Variants in IGF1R observed in about 807,000 individuals in gnomAD.
The protein encoded by IGF1R is insulin like growth factor 1 receptor.
IGF1R carries 44 observed loss-of-function variants against 144.6 expected under a neutral mutation model. That is an observed-to-expected ratio of 0.30 (90% CI 0.24 to 0.39). IGF1R has a LOEUF of 0.39. Among genes scored for constraint, IGF1R ranks in the 10% least tolerant of loss-of-function variants. The pLI is 1.00. For synonymous variants in IGF1R, 795 were observed against 722.8 expected (o/e 1.10, Z -1.60); for missense variants, 1,355 against 1,833.7 (o/e 0.74, Z 4.77).
At position 98,714,488 on chromosome 15, in the gene IGF1R, T is replaced by A. The variant is rs55689034; in HGVS notation, c.640+6381T>A. Among the ~76,000 whole-genome samples the A allele has an allele frequency of 7.7e-3, 1,164 of 152,034 alleles. 20 individuals are homozygous for A. The highest frequency in any genetic ancestry group is 0.027 in the African/African-American group (1,110 of 41,462). ...GTGAGACCTTGTTCATATAAAAAAA[T>A]TTAAATAATTAGCTGGTTGTGGAGG... On this transcript the variant is annotated intron_variant, in intron 2 of 20. Transcript: ENST00000650285.
intron 2 of IGF1R, among the ~76,000 whole-genome samples, chr15:98,842,387 A>AGT (rs1367219014): frequency 1.3e-5 from 2 of 152,198 alleles, no homozygotes; most frequent in Admixed American, 1.3e-4. Context: ...GTGCTGCTGT[A>AGT]GTTCAGTTTA....
intron 2 of IGF1R, among the ~76,000 whole-genome samples, chr15:98,859,390 T>C (rs1305018217): frequency 6.6e-6 from 1 of 152,220 alleles, no homozygotes; most frequent in Non-Finnish European, 1.5e-5. Context: ...TACTTGATTT[T>C]AAAGTGTTTG....
Position 98,648,901 on chromosome 15 carries a change from A to AGCCGGGCGGCGCGGC in IGF1R, c.-679_-665dup, listed in dbSNP as rs2052262854. 6.6e-6 allele frequency: 1 copy of AGCCGGGCGGCGCGGC among 151,060 alleles called. No homozygotes were observed. The highest frequency in any genetic ancestry group is 1.5e-5 in the Non-Finnish European group (1 of 68,926). 9.4% of individuals were successfully genotyped at this position (151,060 alleles called of 1,614,324 possible). On this transcript the variant is annotated 5_prime_UTR_variant, in exon 1 of 21. Coordinates refer to ENST00000650285, the MANE Select transcript of IGF1R (RefSeq NM_000875.5). ...CGGCGCGGGGCGGGCGGCGGCGCAG[A>AGCCGGGCGGCGCGGC]GCCGGGCGGCGCGGCGGGAGTGCTG...
intron 2 of IGF1R, among the ~76,000 whole-genome samples, chr15:98,817,817 C>T (rs1280640223): frequency 1.3e-5 from 2 of 152,206 alleles, no homozygotes. Flanking sequence ...TCCTTTCACA[C>T]CAGACATTTC....
intron 2 of IGF1R, among the ~76,000 whole-genome samples, chr15:98,763,443 G>A (rs1367073517): frequency 2.0e-5 from 3 of 151,664 alleles, no homozygotes; most frequent in Non-Finnish European, 4.4e-5. Context: ...TACACCTGAC[G>A]TGGCTGGGAC....
intron 2 of IGF1R, among the ~76,000 whole-genome samples, chr15:98,845,677 A>G (rs2011302550): frequency 6.6e-6 from 1 of 151,568 alleles, no homozygotes; most frequent in Non-Finnish European, 1.5e-5. Flanking sequence ...CTGTTCTACT[A>G]CTGCATCTGA....
intron 2 of IGF1R, among the ~76,000 whole-genome samples, chr15:98,884,391 T>C (rs2013534327): frequency 6.6e-6 from 1 of 152,042 alleles, no homozygotes; most frequent in African/African-American, 2.4e-5. Context: ...TCTGTACCCC[T>C]CAAAAGAAAA....
At position 98,922,254 on chromosome 15, in the gene IGF1R, G is replaced by A. The variant is rs1270131506; in HGVS notation, c.2308G>A (p.Glu770Lys). ...CACCTACAACATCACCGACCCGGAA[G>A]AGCTGGAGACAGAGTACCCTTTCTT... ...ADTYNITDPE[E>K]LETEYPFFES... Residue 770 changes from glutamate to lysine, a missense_variant, in exon 11 of 21, where the codon GAG becomes AAG. Around this residue, in one of 7 missense-constraint regions of IGF1R, gnomAD observed 880 missense variants for 1,202.7 expected, o/e 0.73. Transcript: ENST00000650285. The A allele has an allele frequency of 6.2e-7, 1 of 1,614,094 alleles. No individual in the cohort carries two copies. The highest frequency in any genetic ancestry group is 8.5e-7 in the Non-Finnish European group (1 of 1,180,044).
intron 2 of IGF1R, among the ~76,000 whole-genome samples, chr15:98,831,509 G>A (rs1325093015): frequency 1.3e-5 from 2 of 152,130 alleles, no homozygotes; most frequent in Admixed American, 6.5e-5. Context: ...TCTCTTTGAC[G>A]GTGGAGGGTT....
chr15:98,717,883 C>T (rs1385536235), intron 2 of IGF1R, among the ~76,000 whole-genome samples: 1 of 152,142 alleles, frequency 6.6e-6, no homozygotes, highest in Admixed American at 6.5e-5. Flanking sequence ...ACATAGGTAG[C>T]CAACCATCTG....
At chr15:98,675,395 A>G (rs923662117) in intron 1 of IGF1R, among the ~76,000 whole-genome samples, 2 of 152,234 alleles carry the variant, frequency 1.3e-5, no homozygotes, top group African/African-American at 4.8e-5. Flanking sequence ...AAAAGTGGAA[A>G]GTAAGGAATA....
chr15:98,940,742 T>C (rs990004731), intron 18 of IGF1R, among the ~76,000 whole-genome samples: 1 of 152,174 alleles, frequency 6.6e-6, no homozygotes, highest in Non-Finnish European at 1.5e-5. Context: ...TGTCTTTCTT[T>C]TTACTCTGTA....
intron 2 of IGF1R, among the ~76,000 whole-genome samples, chr15:98,755,232 A>G (rs1163130675): frequency 6.6e-6 from 1 of 152,032 alleles, no homozygotes; most frequent in African/African-American, 2.4e-5. Context: ...CGGTGTATGG[A>G]TATCAATTTA....
intron 13 of IGF1R, among the ~76,000 whole-genome samples, chr15:98,928,431 C>T (rs1483445052): frequency 6.6e-6 from 1 of 152,232 alleles, no homozygotes; most frequent in Non-Finnish European, 1.5e-5. Flanking sequence ...AGCCATTTCC[C>T]TGGAACGCGA....
At chr15:98,942,452 G>A (rs1455537328) in intron 18 of IGF1R, among the ~76,000 whole-genome samples, 1 of 152,134 alleles carries the variant, frequency 6.6e-6, no homozygotes, top group East Asian at 1.9e-4. Flanking sequence ...TTCCACCTTA[G>A]CCTCCCAAGT....
At chr15:98,866,364 G>A (rs1215871540) in intron 2 of IGF1R, among the ~76,000 whole-genome samples, 2 of 152,126 alleles carry the variant, frequency 1.3e-5, no homozygotes, top group Admixed American at 1.3e-4. Flanking sequence ...GGTTCTCTTC[G>A]GTTTATTTTC....
chr15:98,727,209 G>A (rs2054382597), intron 2 of IGF1R, among the ~76,000 whole-genome samples: 1 of 152,168 alleles, frequency 6.6e-6, no homozygotes, highest in Non-Finnish European at 1.5e-5. Flanking sequence ...AGGAAGAAAG[G>A]TATGTGGTTT....
chr15:98,822,590 C>G (rs2684764), intron 2 of IGF1R, among the ~76,000 whole-genome samples: 11,751 of 152,186 alleles, frequency 0.077, 882 homozygotes, highest in African/African-American at 0.19. Flanking sequence ...TATAAAGCTT[C>G]TTATTCATTC....
intron 2 of IGF1R, among the ~76,000 whole-genome samples, chr15:98,882,429 G>C (rs1355962405): frequency 1.3e-5 from 2 of 152,230 alleles, no homozygotes; most frequent in South Asian, 2.1e-4. Flanking sequence ...AGTCACCCAG[G>C]TTTTTGTAAA....
Sources: gnomAD v4.1 joint callset for allele counts (sites outside exome capture counted in the v4.1 genomes callset) on GRCh38, gnomAD v4.1.1 for gene constraint, gnomAD v4.1.1 regional missense constraint, MANE v1.5 for transcripts, NCBI Gene and HGNC (gene_info 2026-07-23, HGNC 2026-07-21) for gene names.